DPP10: variants seen among roughly 807,000 people sequenced by gnomAD.
DPP10 encodes inactive dipeptidyl peptidase 10.
In DPP10, 33 loss-of-function variants were observed where a neutral mutation model predicts 120.9. The observed-to-expected ratio is 0.27, with a 90% confidence interval of 0.21 to 0.37. DPP10 has a LOEUF of 0.37. DPP10 is among the 10% of genes least tolerant of loss of function. DPP10 has a pLI of 1.00. For missense variants in DPP10, 816 were observed against 942.8 expected (o/e 0.87, Z 1.76); for synonymous variants, 337 against 326.1 (o/e 1.03, Z -0.36).
At chr2:115,548,850 A>G (rs946011839) in intron 5 of DPP10, among the ~76,000 whole-genome samples, 1 of 152,174 alleles carries the variant, frequency 6.6e-6, no homozygotes, top group Non-Finnish European at 1.5e-5. Context: ...CAGTGGCATC[A>G]TGTGACAAAG....
intron 1 of DPP10, among the ~76,000 whole-genome samples, chr2:114,764,124 T>TAACTTCAGTCAAAGGA (rs1680509795): frequency 6.6e-6 from 1 of 152,166 alleles, no homozygotes; most frequent in African/African-American, 2.4e-5. Flanking sequence ...TACTAGGAAG[T>TAACTTCAGTCAAAGGA]CTTCAACTGT....
intron 7 of DPP10, among the ~76,000 whole-genome samples, chr2:115,699,830 G>A (rs1281339953): frequency 6.6e-6 from 1 of 152,108 alleles, no homozygotes; most frequent in Non-Finnish European, 1.5e-5. Flanking sequence ...ATACAACATA[G>A]CTAACTGGGA....
At chr2:115,081,469 T>C (rs1708269965) in intron 1 of DPP10, among the ~76,000 whole-genome samples, 1 of 152,230 alleles carries the variant, frequency 6.6e-6, no homozygotes, top group South Asian at 2.1e-4. Context: ...TTAAACCTTC[T>C]ATGTCTGTTT....
intron 5 of DPP10, among the ~76,000 whole-genome samples, chr2:115,586,335 T>A (rs1380562486): frequency 2.0e-5 from 3 of 152,190 alleles, no homozygotes; most frequent in Non-Finnish European, 4.4e-5. Context: ...TCGATAATAA[T>A]AATGATAATA....
intron 21 of DPP10, among the ~76,000 whole-genome samples, chr2:115,831,561 A>G (rs957078217): frequency 1.3e-5 from 2 of 152,090 alleles, no homozygotes; most frequent in East Asian, 1.9e-4. Context: ...GTAAAATCCC[A>G]GTCTGTCAGT....
At chr2:114,909,392 A>G (rs747751323) in intron 1 of DPP10, among the ~76,000 whole-genome samples, 17 of 152,152 alleles carry the variant, frequency 1.1e-4, no homozygotes, top group Middle Eastern at 3.4e-3. Flanking sequence ...ACAGTATAAA[A>G]CATCAGTACA....
intron 13 of DPP10, among the ~76,000 whole-genome samples, chr2:115,770,994 T>C (rs1681391083): frequency 6.6e-6 from 1 of 152,168 alleles, no homozygotes; most frequent in Non-Finnish European, 1.5e-5. Flanking sequence ...TAACATTTTA[T>C]ATTTTTCTTA....
rs181879808 is a variant in DPP10, at chr2:114,910,405, G to T, written c.61-398834G>T. On this transcript the variant is annotated intron_variant, in intron 1 of 25. Coordinates refer to ENST00000410059, the MANE Select transcript of DPP10 (RefSeq NM_020868.6). ...GCCAGATTTAGAAAGTAACCAAATA[G>T]AATTTTTAGACTTTAAAAGATTTAA... Among the ~76,000 whole-genome samples the T allele has an allele frequency of 5.4e-3, 813 of 151,942 alleles. 6 individuals are homozygous for T. The highest frequency in any genetic ancestry group is 9.6e-3 in the Non-Finnish European group (654 of 67,850).
intron 5 of DPP10, among the ~76,000 whole-genome samples, chr2:115,650,419 G>C (rs563921429): frequency 2.1e-5 from 3 of 139,620 alleles, no homozygotes; most frequent in Non-Finnish European, 3.1e-5. Context: ...AAGGGGGGGG[G>C]GGATAATCCA....
intron 1 of DPP10, among the ~76,000 whole-genome samples, chr2:115,007,104 A>G (rs529028031): frequency 8.6e-5 from 13 of 151,940 alleles, no homozygotes; most frequent in African/African-American, 1.9e-4. Context: ...TGAACAACCT[A>G]CTCCTGAATG....
At chr2:114,539,640 G>A (rs775839234) in intron 1 of DPP10, among the ~76,000 whole-genome samples, 11 of 152,208 alleles carry the variant, frequency 7.2e-5, no homozygotes, top group African/African-American at 1.9e-4. Context: ...CCTGCTCTAC[G>A]TTCCATGCAC....
intron 3 of DPP10, among the ~76,000 whole-genome samples, chr2:115,421,696 C>A (rs955664917): frequency 1.3e-5 from 2 of 151,558 alleles, no homozygotes; most frequent in African/African-American, 4.8e-5. Flanking sequence ...CATGGTGAAA[C>A]CCTGTCTCTA....
intron 3 of DPP10, among the ~76,000 whole-genome samples, chr2:115,475,302 A>G (rs2075004040): frequency 6.6e-6 from 1 of 152,208 alleles, no homozygotes; most frequent in South Asian, 2.1e-4. Context: ...AGGCCCAGGT[A>G]CAACTCAGGC....
chr2:115,836,791 T>G, intron 24 of DPP10, 45 bp downstream of exon 24: 1 of 1,564,208 alleles, frequency 6.4e-7, no homozygotes, highest in East Asian at 2.2e-5. Flanking sequence ...GTATGACCTT[T>G]TACAAAGGGA....
At chr2:115,759,654 T>A (rs1326451667) in intron 11 of DPP10, among the ~76,000 whole-genome samples, 3 of 151,424 alleles carry the variant, frequency 2.0e-5, no homozygotes, top group Non-Finnish European at 4.4e-5. Flanking sequence ...TTTTTGTTTA[T>A]ATATAAATAA....
intron 3 of DPP10, among the ~76,000 whole-genome samples, chr2:115,450,148 C>G (rs2072985498): frequency 6.6e-6 from 1 of 151,920 alleles, no homozygotes; most frequent in Non-Finnish European, 1.5e-5. Context: ...TACTCCCAAC[C>G]TACCAAACAT....
At chr2:115,262,995 G>C (rs1444920406) in intron 1 of DPP10, among the ~76,000 whole-genome samples, 1 of 152,136 alleles carries the variant, frequency 6.6e-6, no homozygotes, top group Non-Finnish European at 1.5e-5. Context: ...GTGACTGGCA[G>C]CCTGCACAGT....
At chr2:115,208,723 T>C (rs554620172) in intron 1 of DPP10, among the ~76,000 whole-genome samples, 4 of 152,110 alleles carry the variant, frequency 2.6e-5, no homozygotes, top group Non-Finnish European at 5.9e-5. Context: ...TGGACAAGGT[T>C]GTGGGTGGCT....
rs537204748 is a variant in DPP10 at position 115,726,569 on chromosome 2, C to T, written c.577-1247C>T. Among the ~76,000 whole-genome samples, 5 of 152,202 alleles carry T rather than the reference C, an allele frequency of 3.3e-5. No individual in the cohort carries two copies. The East Asian group carries it at 7.7e-4, about 24-fold the overall frequency. On this transcript the variant is annotated intron_variant, in intron 7 of 25. Coordinates refer to ENST00000410059, the MANE Select transcript of DPP10 (RefSeq NM_020868.6). The stretch of plus-strand genomic sequence containing the variant: ...ACGCTTGTAACCACCCTGCAGTACC[C>T]TCCTTTCATTGTTTTTATTTATTTT...
Sources: allele counts gnomAD v4.1 joint callset (sites outside exome capture counted in the v4.1 genomes callset), GRCh38; gene constraint gnomAD v4.1.1; transcripts MANE v1.5; gene names NCBI Gene and HGNC (gene_info 2026-07-23, HGNC 2026-07-21).